The following SULF2 variants were observed in gnomAD, a reference collection of about 807,000 sequenced individuals.
SULF2 encodes the protein extracellular sulfatase Sulf-2.
Under a neutral mutation model 107.7 loss-of-function variants are expected in SULF2, and 52 were observed. The observed-to-expected ratio is 0.48, with a 90% CI of 0.39 to 0.61. The LOEUF (loss-of-function observed/expected upper bound fraction) is 0.61. Ranked by LOEUF, SULF2 falls within the 20% of genes least tolerant of loss-of-function variation. The pLI is 0.00. For missense variants in SULF2, 993 were observed against 1,177.3 expected (o/e 0.84, Z 2.29); for synonymous variants, 460 against 464.3 (o/e 0.99, Z 0.12).
At chr20:47,679,576 A>T (rs2087758260) in intron 7 of SULF2, among the ~76,000 whole-genome samples, 2 of 152,220 alleles carry the variant, frequency 1.3e-5, no homozygotes, top group South Asian at 4.1e-4. Context: ...GACTGTGAGC[A>T]GTCTGGGAGG....
At chr20:47,735,331 T>C (rs930371919) in intron 3 of SULF2, among the ~76,000 whole-genome samples, 1 of 152,152 alleles carries the variant, frequency 6.6e-6, no homozygotes, top group Non-Finnish European at 1.5e-5. Context: ...GCCCCCAGTA[T>C]ACATTAAAGA....
chr20:47,743,393 C>T (rs557496264), intron 2 of SULF2, among the ~76,000 whole-genome samples: 28 of 152,230 alleles, frequency 1.8e-4, no homozygotes, highest in Admixed American at 5.2e-4. Context: ...ACTGCAGCCT[C>T]GACCTCCCCA....
In SULF2 at chr20:47,736,776, G is replaced by A. The variant is rs751320161; in HGVS notation, c.342C>T (p.Ser114=). ...CGTGCTGTGCCTGCCAGGAGGGCGA[G>A]GAGCAGTTCTCATTGTTGGTGTAGG... ...HNTYTNNENC[S]SPSWQAQHES... The change falls in exon 3 of 21, where the codon TCC becomes TCT. Residue 114 remains serine, a synonymous_variant. Transcript: ENST00000688720. 18 of 1,614,136 alleles carry A rather than the reference G, an allele frequency of 1.1e-5. No individual in the cohort carries two copies. In the South Asian group the frequency reaches 1.2e-4, roughly 11 times the overall value.
At position 47,678,376 on chromosome 20, in the gene SULF2, G is replaced by A. The variant is rs1027896763; in HGVS notation, c.1193+300C>T. 12 of 338,640 alleles carry A rather than the reference G, an allele frequency of 3.5e-5. No individual in the cohort carries two copies. The South Asian group carries it at 3.8e-4, about 11-fold the overall frequency. 21.0% of individuals were successfully genotyped at this position (338,640 alleles called of 1,614,324 possible). A position where few individuals can be genotyped will look rare whatever the true frequency, so the allele number is the denominator to read the frequency against. On this transcript the variant is annotated intron_variant, in intron 8 of 20. Coordinates refer to ENST00000688720, the MANE Select transcript of SULF2 (RefSeq NM_001387048.1). The surrounding 1 kb of genome is among the most constrained non-coding windows in gnomAD (Gnocchi z 4.5). ...TTAGAATAGGGCCTCACACACAAGC[G>A]CCGTGCAGTTAGCACCATCTCCTAC...
rs987115051 is a variant in SULF2, at chr20:47,708,692, C to T, written c.416-6022G>A. ...TACACTCCCACATCTTCCAAATCTC[C>T]AGCCAGTGAACCTACTGGTTCTTGA... On this transcript the variant is annotated intron_variant, in intron 3 of 20. Coordinates refer to ENST00000688720, the MANE Select transcript of SULF2 (RefSeq NM_001387048.1). 5.3e-5 allele frequency among the ~76,000 whole-genome samples: 8 copies of T among 152,218 alleles called. 1 individual carries two copies. Among genetic ancestry groups the T allele is most frequent in the Non-Finnish European group, 1.0e-4 (7 of 68,034 alleles).
At chr20:47,693,816 T>G (rs113467024) in intron 4 of SULF2, among the ~76,000 whole-genome samples, 1 of 152,074 alleles carries the variant, frequency 6.6e-6, no homozygotes, top group Non-Finnish European at 1.5e-5. Context: ...GCTCCCACAG[T>G]CTAATGTTTC....
rs1365285329 is a variant in SULF2 at position 47,745,394 on chromosome 20, AAAAAAAAAAAAAAAAAATATATATAT to A, written c.176-8478_176-8453del. Among the ~76,000 whole-genome samples, 64 of 18,244 alleles carry A rather than the reference AAAAAAAAAAAAAAAAAATATATATAT, an allele frequency of 3.5e-3. 1 individual carries two copies. Among genetic ancestry groups the A allele is most frequent in the African/African-American group, 9.0e-3 (17 of 1,886 alleles). 12.0% of individuals were successfully genotyped at this position (18,244 alleles called of 152,430 possible). On this transcript the variant is annotated intron_variant, in intron 2 of 20. Coordinates refer to ENST00000688720, the MANE Select transcript of SULF2 (RefSeq NM_001387048.1). ...CTGAGTTTTGAGGGAAAAAAAAAAAAAAAAAAAAAAAAAAAAATATATATATATATATATATATATATATATATATA... is the reference window on the plus strand; with the variant it reads ...CTGAGTTTTGAGGGAAAAAAAAAAAAATATATATATATATATATATATATA...
intron 11 of SULF2, among the ~76,000 whole-genome samples, chr20:47,671,516 T>C (rs2087470107): frequency 6.6e-6 from 1 of 151,922 alleles, no homozygotes; most frequent in Admixed American, 6.6e-5. Flanking sequence ...TCAAGTGATC[T>C]GTCCACCTCG....
At chr20:47,677,187 C>G in intron 8 of SULF2, 53 bp from the exon 9 acceptor site, 2 of 1,598,772 alleles carry the variant, frequency 1.3e-6, no homozygotes, top group Non-Finnish European at 1.7e-6. Flanking sequence ...TTCCCACGAC[C>G]CCCCGTTCCC....
chr20:47,757,309 G>T lies in SULF2; in HGVS notation c.55C>A (p.Leu19Met), dbSNP rs1404103117. 6.2e-7 allele frequency: 1 copy of T among 1,601,098 alleles called. No homozygotes were observed. The highest frequency in any genetic ancestry group is 8.5e-7 in the Non-Finnish European group (1 of 1,173,528). Residue 19 changes from leucine (L) to methionine (M), a missense_variant, in exon 2 of 21, where the codon CTG (leucine) becomes ATG (methionine). Leu to Met is a conservative substitution (Grantham distance 15). Coordinates refer to ENST00000688720, the MANE Select transcript of SULF2 (RefSeq NM_001387048.1). ...GACAGGAAGGCCGAGCTTCCACCCA[G>T]CAGGGAGAACACAGTTGCGGACAGC... ...CLLSATVFSL[L>M]GGSSAFLSHH...
At chr20:47,704,688 C>T (rs111999268) in intron 3 of SULF2, among the ~76,000 whole-genome samples, 3 of 152,214 alleles carry the variant, frequency 2.0e-5, no homozygotes, top group Non-Finnish European at 2.9e-5. Flanking sequence ...GAGGACACTG[C>T]GGTTCTGAAA....
In SULF2 at chr20:47,684,561, G is replaced by A. The variant is rs761845915; in HGVS notation, c.758C>T (p.Ala253Val). 27 of 1,613,822 alleles carry A rather than the reference G, an allele frequency of 1.7e-5. No individual in the cohort carries two copies. Among genetic ancestry groups the A allele is most frequent in the Admixed American group, 1.2e-4 (7 of 59,966 alleles). ...SQHITPSYNY[A>V]PNPDKHWIMR... ...GATCCAGTGTTTGTCCGGGTTGGGC[G>A]CGTAGTTGTAGCTCGGCGTGCTGGT... Residue 253 changes from alanine (A) to valine (V), a missense_variant, in exon 6 of 21, where the codon GCG (alanine) becomes GTG (valine). Transcript: ENST00000688720.
At chr20:47,699,088 T>C (rs1405490696) in intron 4 of SULF2, among the ~76,000 whole-genome samples, 4 of 152,124 alleles carry the variant, frequency 2.6e-5, no homozygotes, top group African/African-American at 9.7e-5. Context: ...GAGGTTGAAA[T>C]GGCTCATACT....
At chr20:47,707,464 C>A (rs765399495) in intron 3 of SULF2, among the ~76,000 whole-genome samples, 1 of 152,150 alleles carries the variant, frequency 6.6e-6, no homozygotes, top group Non-Finnish European at 1.5e-5. Flanking sequence ...TGGGAGGTTG[C>A]CTCGAGAGAC....
At chr20:47,672,096 G>A in intron 11 of SULF2, 102 bp downstream of exon 11, 2 of 1,296,398 alleles carry the variant, frequency 1.5e-6, no homozygotes, top group Non-Finnish European at 2.1e-6. Context: ...ATCACCACCT[G>A]GCAAAGTGAC....
intron 10 of SULF2, 124 bp downstream of exon 10, chr20:47,676,370 G>T: frequency 1.9e-6 from 2 of 1,062,090 alleles, no homozygotes; most frequent in Non-Finnish European, 2.7e-6. Context: ...GCACCACACG[G>T]CAGCAAAGGA....
At chr20:47,706,858 T>G (rs1186592059) in intron 3 of SULF2, 1 of 152,188 alleles carries the variant, frequency 6.6e-6, no homozygotes, top group Non-Finnish European at 1.5e-5. Flanking sequence ...CAGTGTTGAC[T>G]TTCATCAGCT....
chr20:47,739,884 G>C (rs2089836759), intron 2 of SULF2, among the ~76,000 whole-genome samples: 1 of 152,112 alleles, frequency 6.6e-6, no homozygotes, highest in Non-Finnish European at 1.5e-5. Context: ...TTGTAGAGTG[G>C]GTTTTAAAAA....
chr20:47,680,669 G>C lies in SULF2; in HGVS notation c.1065-1865C>G, dbSNP rs73133471. Among the ~76,000 whole-genome samples, 2 of 152,158 alleles carry C rather than the reference G, an allele frequency of 1.3e-5. No individual in the cohort carries two copies. The highest frequency in any genetic ancestry group is 2.9e-5 in the Non-Finnish European group (2 of 68,024). On this transcript the variant is annotated intron_variant, in intron 7 of 20. Coordinates refer to ENST00000688720, the MANE Select transcript of SULF2 (RefSeq NM_001387048.1). The surrounding 1 kb of genome is among the most constrained non-coding windows in gnomAD (Gnocchi z 4.2). Reference sequence around the variant, plus strand: ...GCTGCTGAAGATGGGGCTGTGTCATGGGGGGCTCGAAGGCCAGCGTGAGGC... The same window carrying C: ...GCTGCTGAAGATGGGGCTGTGTCATCGGGGGCTCGAAGGCCAGCGTGAGGC...
Sources: allele counts gnomAD v4.1 joint callset (sites outside exome capture counted in the v4.1 genomes callset), GRCh38; gene constraint gnomAD v4.1.1; non-coding constraint Gnocchi (gnomAD v3.1); transcripts MANE v1.5; gene names NCBI Gene and HGNC (gene_info 2026-07-23, HGNC 2026-07-21).